The following BLK variants were observed in gnomAD, a reference collection of about 807,000 sequenced individuals.
BLK encodes tyrosine-protein kinase Blk.
BLK carries 64 observed loss-of-function variants against 61.8 expected under a neutral mutation model. The observed-to-expected ratio is 1.03, with a 90% CI of 0.85 to 1.27. BLK has a LOEUF of 1.27. Among genes scored for constraint, BLK ranks in the 50% most tolerant of loss-of-function variants. The pLI is 0.00. For synonymous variants in BLK, 351 were observed against 272.0 expected (o/e 1.29, Z -2.86); for missense variants, 853 against 660.5 (o/e 1.29, Z -3.19).
At chr8:11,530,673 AAATAGC>A (rs1799848983) in intron 1 of BLK, among the ~76,000 whole-genome samples, 1 of 16,676 alleles carries the variant, frequency 6.0e-5, no homozygotes, top group Non-Finnish European at 1.5e-4. Context: ...TAAAAGTTGT[AAATAGC>A]TCAGTAGAAG....
chr8:11,503,572 G>A (rs1001984001), intron 1 of BLK, among the ~76,000 whole-genome samples: 5 of 152,192 alleles, frequency 3.3e-5, no homozygotes, highest in Non-Finnish European at 5.9e-5. Flanking sequence ...CACCAGGTCA[G>A]TGTGAGCATG....
At chr8:11,543,407 C>G in intron 2 of BLK, 60 bp downstream of exon 2, 3 of 1,600,862 alleles carry the variant, frequency 1.9e-6, no homozygotes, top group Non-Finnish European at 2.5e-6. Flanking sequence ...GCCTTAATGT[C>G]CAAGTTTGTA....
At chr8:11,535,904 G>T (rs987058787) in intron 1 of BLK, among the ~76,000 whole-genome samples, 1 of 152,192 alleles carries the variant, frequency 6.6e-6, no homozygotes. Flanking sequence ...AATCCAAAAT[G>T]GAGAACATTC....
intron 1 of BLK, among the ~76,000 whole-genome samples, chr8:11,518,710 A>C (rs185079278): frequency 2.3e-4 from 35 of 151,992 alleles, no homozygotes; most frequent in African/African-American, 8.2e-4. Flanking sequence ...AAAACCATAC[A>C]ATGGTCCAAC....
At chr8:11,543,778 C>T (rs370418606) in intron 2 of BLK, among the ~76,000 whole-genome samples, 1 of 152,082 alleles carries the variant, frequency 6.6e-6, no homozygotes, top group Non-Finnish European at 1.5e-5. Flanking sequence ...ACCTCCCGAG[C>T]AGGCTCTTAA....
chr8:11,498,578 C>G (rs116012069), intron 1 of BLK, among the ~76,000 whole-genome samples: 87 of 152,344 alleles, frequency 5.7e-4, no homozygotes, highest in African/African-American at 2.0e-3. Flanking sequence ...GCAGCCACAT[C>G]TGAGTGGTCT....
At chr8:11,550,316 C>T in intron 6 of BLK, 54 bp downstream of exon 6, 1 of 1,530,096 alleles carries the variant, frequency 6.5e-7, no homozygotes, top group Non-Finnish European at 9.0e-7. Flanking sequence ...CGGGAAGGCG[C>T]CTCCAGAGGC....
At chr8:11,495,598 G>C (rs1009133863) in intron 1 of BLK, among the ~76,000 whole-genome samples, 18 of 137,542 alleles carry the variant, frequency 1.3e-4, no homozygotes, top group Non-Finnish European at 1.6e-5. Context: ...TCCAAACTGG[G>C]GAAGATTCCA....
chr8:11,522,368 G>T (rs1462655008), intron 1 of BLK, among the ~76,000 whole-genome samples: 1 of 152,112 alleles, frequency 6.6e-6, no homozygotes, highest in African/African-American at 2.4e-5. Context: ...TACGAGTTTT[G>T]GTGAGAATAT....
chr8:11,530,454 C>T (rs1799839780), intron 1 of BLK, among the ~76,000 whole-genome samples: 1 of 152,178 alleles, frequency 6.6e-6, no homozygotes, highest in Non-Finnish European at 1.5e-5. Flanking sequence ...GAAAATATGT[C>T]ATTTCAGTCA....
intron 9 of BLK, among the ~76,000 whole-genome samples, chr8:11,557,420 G>C (rs1801287571): frequency 6.6e-6 from 1 of 152,186 alleles, no homozygotes; most frequent in African/African-American, 2.4e-5. Flanking sequence ...CCGGTCGGAG[G>C]CTGTGCTGGG....
In BLK at chr8:11,520,995, T is replaced by C. The variant is rs1172743446; in HGVS notation, c.-1-22229T>C. Reference sequence around the variant, plus strand: ...ATAGCCTTAAGTTAAATCAGAAAAATGAATGAGAAAGAATAATGAAGAAAA... The same window carrying C: ...ATAGCCTTAAGTTAAATCAGAAAAACGAATGAGAAAGAATAATGAAGAAAA... On this transcript the variant is annotated intron_variant, in intron 1 of 12. Transcript: ENST00000259089. Among the ~76,000 whole-genome samples the C allele has an allele frequency of 2.6e-5, 4 of 151,860 alleles. No individual in the cohort carries two copies. The East Asian group carries it at 5.8e-4, about 22-fold the overall frequency.
intron 1 of BLK, among the ~76,000 whole-genome samples, chr8:11,524,338 T>C (rs970217118): frequency 1.3e-5 from 2 of 152,214 alleles, no homozygotes; most frequent in Non-Finnish European, 2.9e-5. Context: ...CCATTGGTGG[T>C]AGGGTTGTAA....
chr8:11,549,032 A>G lies in BLK; in HGVS notation c.278A>G (p.Asp93Gly). The change falls in exon 5 of 13, where the codon GAC (aspartate) becomes GGC (glycine). Residue 93 changes from aspartate (D) to glycine (G), a missense_variant. Coordinates refer to ENST00000259089, the MANE Select transcript of BLK (RefSeq NM_001715.3). ...EKLQVLKGTG[D>G]WWLARSLVTG... ...TCCCCTGCTCCCATTAGAACTGGAG[A>G]CTGGTGGCTGGCCAGGTCACTCGTC... 1.9e-6 allele frequency: 3 copies of G among 1,608,796 alleles called. No individual in the cohort carries two copies. The highest frequency in any genetic ancestry group is 2.2e-5 in the South Asian group (2 of 89,268).
intron 1 of BLK, among the ~76,000 whole-genome samples, chr8:11,523,281 T>G (rs1463840442): frequency 6.6e-6 from 1 of 152,182 alleles, no homozygotes; most frequent in Non-Finnish European, 1.5e-5. Context: ...CAGTTGGGCA[T>G]GGTGGCTCAC....
intron 2 of BLK, 137 bp from the exon 3 acceptor site, chr8:11,545,915 C>T (rs1800612640): frequency 1.1e-6 from 1 of 895,162 alleles, no homozygotes; most frequent in Non-Finnish European, 1.9e-6. Flanking sequence ...CCCTGAGCAG[C>T]CCCCACAGGC....
At chr8:11,550,284 G>T in intron 6 of BLK, 22 bp downstream of exon 6, 1 of 1,609,456 alleles carries the variant, frequency 6.2e-7, no homozygotes, top group South Asian at 1.1e-5. Context: ...GGCTTTGCCT[G>T]CCTTCCTTGC....
intron 1 of BLK, among the ~76,000 whole-genome samples, chr8:11,526,984 G>A (rs1030398161): frequency 6.6e-6 from 1 of 152,248 alleles, no homozygotes. Context: ...TCTTTTATGT[G>A]CTTGGGGGTC....
At chr8:11,546,438 G>C (rs895032812) in intron 3 of BLK, among the ~76,000 whole-genome samples, 1 of 152,106 alleles carries the variant, frequency 6.6e-6, no homozygotes, top group Non-Finnish European at 1.5e-5. Context: ...CAAAGGGCTG[G>C]GCCAGTGGCT....
Sources: gnomAD v4.1 joint callset for allele counts (sites outside exome capture counted in the v4.1 genomes callset) on GRCh38, gnomAD v4.1.1 for gene constraint, MANE v1.5 for transcripts, NCBI Gene and HGNC (gene_info 2026-07-23, HGNC 2026-07-21) for gene names.